SH3RF1: variants seen among roughly 807,000 people sequenced by gnomAD.
SH3RF1 encodes SH3 domain containing ring finger 1, also known as E3 ubiquitin-protein ligase SH3RF1.
A neutral mutation model predicts 74.0 loss-of-function variants in SH3RF1; 32 were observed. That is an observed-to-expected ratio of 0.43 (90% CI 0.33 to 0.58). SH3RF1 has a LOEUF of 0.58. Among genes scored for constraint, SH3RF1 ranks in the 20% least tolerant of loss-of-function variants. The pLI, the probability that SH3RF1 is intolerant of heterozygous loss-of-function variation, is 0.05. For synonymous variants in SH3RF1, 396 were observed against 439.6 expected (o/e 0.90, Z 1.24); for missense variants, 954 against 1,130.9 (o/e 0.84, Z 2.24).
chr4:169,244,686 C>T (rs1205288725), intron 2 of SH3RF1, among the ~76,000 whole-genome samples: 7 of 151,254 alleles, frequency 4.6e-5, no homozygotes, highest in Non-Finnish European at 8.8e-5. Flanking sequence ...GGACATTTTA[C>T]AAAGTAACAC....
In SH3RF1 at chr4:169,117,666, C is replaced by T. The variant is rs1733360476; in HGVS notation, c.1634G>A (p.Gly545Glu). Residue 545 changes from glycine (G) to glutamate (E), a missense_variant, in exon 9 of 12, where the codon GGA (glycine) becomes GAA (glutamate). Gly to Glu is a moderately conservative substitution (Grantham distance 98, BLOSUM62 -2). Around this residue, in one of 3 missense-constraint regions of SH3RF1, gnomAD observed 854 missense variants for 962.5 expected, o/e 0.89. Transcript: ENST00000284637. ...ACTGGGACTCCCAGCCACGCCATTT[C>T]CCTGGAGCTTCTGGGCAGGCCCTCC... ...TAGGPAQKLQ[G>E]NGVAGSPSVV... The T allele has an allele frequency of 6.2e-7, 1 of 1,614,218 alleles. No homozygotes were observed.
At chr4:169,142,020 G>A (rs1051341769) in intron 4 of SH3RF1, among the ~76,000 whole-genome samples, 8 of 152,124 alleles carry the variant, frequency 5.3e-5, no homozygotes, top group East Asian at 1.9e-4. Flanking sequence ...GGGTTTCACC[G>A]TGTTAGCCAG....
At chr4:169,100,185 G>A (rs932479191) in intron 11 of SH3RF1, among the ~76,000 whole-genome samples, 6 of 152,032 alleles carry the variant, frequency 3.9e-5, no homozygotes, top group African/African-American at 1.4e-4. Flanking sequence ...ATATGAACAG[G>A]GGTTTGGGGA....
At chr4:169,228,033 A>G (rs969861742) in intron 2 of SH3RF1, among the ~76,000 whole-genome samples, 13 of 152,202 alleles carry the variant, frequency 8.5e-5, no homozygotes, top group African/African-American at 3.1e-4. Flanking sequence ...CGCATTTTTA[A>G]CTACTATTTT....
intron 2 of SH3RF1, among the ~76,000 whole-genome samples, chr4:169,257,195 C>T (rs1731205292): frequency 6.6e-6 from 1 of 152,158 alleles, no homozygotes; most frequent in Non-Finnish European, 1.5e-5. Flanking sequence ...ACTTTCTGTC[C>T]AGCAGGAATC....
At chr4:169,187,849 T>C (rs1734634680) in intron 2 of SH3RF1, among the ~76,000 whole-genome samples, 2 of 152,116 alleles carry the variant, frequency 1.3e-5, no homozygotes, top group Non-Finnish European at 2.9e-5. Context: ...TGCAGCCTTA[T>C]TAGAAATAGG....
intron 2 of SH3RF1, among the ~76,000 whole-genome samples, chr4:169,177,286 T>A (rs1289201054): frequency 6.6e-6 from 1 of 152,190 alleles, no homozygotes; most frequent in Non-Finnish European, 1.5e-5. Context: ...CCCTTCAATT[T>A]CAAATTTTTC....
intron 4 of SH3RF1, among the ~76,000 whole-genome samples, chr4:169,145,181 C>T (rs112705247): frequency 3.3e-5 from 5 of 152,242 alleles, no homozygotes; most frequent in African/African-American, 1.2e-4. Flanking sequence ...CGAAATCAAC[C>T]TGAGTGTCCA....
chr4:169,151,569 G>C (rs1425591828), intron 4 of SH3RF1, among the ~76,000 whole-genome samples: 2 of 152,116 alleles, frequency 1.3e-5, no homozygotes, highest in African/African-American at 4.8e-5. Flanking sequence ...CCTTAGATGA[G>C]GTGAGAGAAA....
At chr4:169,137,120 T>G in intron 4 of SH3RF1, among the ~76,000 whole-genome samples, 1 of 152,216 alleles carries the variant, frequency 6.6e-6, no homozygotes, top group East Asian at 1.9e-4. Context: ...AATGAACTCA[T>G]GTGCTTCCAT....
intron 2 of SH3RF1, among the ~76,000 whole-genome samples, chr4:169,217,989 T>C (rs1473175318): frequency 6.6e-6 from 1 of 151,974 alleles, no homozygotes; most frequent in Non-Finnish European, 1.5e-5. Flanking sequence ...AATATTCTTT[T>C]AGATTGAACT....
At chr4:169,188,543 CTAAT>C (rs1421250907) in intron 2 of SH3RF1, among the ~76,000 whole-genome samples, 1 of 152,148 alleles carries the variant, frequency 6.6e-6, no homozygotes, top group Non-Finnish European at 1.5e-5. Flanking sequence ...CTGCTTTTCT[CTAAT>C]TATTTCTGAA....
chr4:169,174,614 T>G (rs1035019956), intron 2 of SH3RF1, among the ~76,000 whole-genome samples: 40 of 152,318 alleles, frequency 2.6e-4, no homozygotes, highest in African/African-American at 8.9e-4. Context: ...TGCTCTTTTC[T>G]AACTAAATTT....
chr4:169,253,076 G>C (rs368256701), intron 2 of SH3RF1, among the ~76,000 whole-genome samples: 8 of 152,074 alleles, frequency 5.3e-5, no homozygotes, highest in Non-Finnish European at 1.0e-4. Context: ...AGTTTGGATC[G>C]CAAAGAAGAA....
intron 5 of SH3RF1, among the ~76,000 whole-genome samples, chr4:169,135,641 C>A (rs2126953943): frequency 6.6e-6 from 1 of 152,158 alleles, no homozygotes; most frequent in South Asian, 2.1e-4. Flanking sequence ...ATACACAGTG[C>A]CTAGAAGGGT....
At chr4:169,140,698 T>C (rs1733770294) in intron 4 of SH3RF1, among the ~76,000 whole-genome samples, 1 of 152,136 alleles carries the variant, frequency 6.6e-6, no homozygotes, top group African/African-American at 2.4e-5. Flanking sequence ...AGAGAGAATA[T>C]AGCCTTTTTT....
intron 4 of SH3RF1, among the ~76,000 whole-genome samples, chr4:169,145,125 C>A (rs1733852643): frequency 6.6e-6 from 1 of 152,152 alleles, no homozygotes; most frequent in Non-Finnish European, 1.5e-5. Context: ...AAAAAGAAAC[C>A]TGTACTTGTA....
At chr4:169,134,084 T>C (rs186526446) in intron 5 of SH3RF1, among the ~76,000 whole-genome samples, 157 of 152,278 alleles carry the variant, frequency 1.0e-3, no homozygotes, top group Middle Eastern at 3.4e-3. Flanking sequence ...CCTAGATAAG[T>C]AGTGTTTTCT....
chr4:169,258,158 G>C (rs1449952278), intron 2 of SH3RF1, among the ~76,000 whole-genome samples: 1 of 152,186 alleles, frequency 6.6e-6, no homozygotes. Context: ...CTACAGAAGA[G>C]AAAACACTGG....
Sources: allele counts gnomAD v4.1 joint callset (sites outside exome capture counted in the v4.1 genomes callset), GRCh38; gene constraint gnomAD v4.1.1; regional missense constraint gnomAD v4.1.1; transcripts MANE v1.5; gene names NCBI Gene and HGNC (gene_info 2026-07-23, HGNC 2026-07-21).